Variants in IST1 observed in about 807,000 individuals in gnomAD.
IST1 encodes IST1 homolog.
A neutral mutation model predicts 37.0 loss-of-function variants in IST1; 23 were observed. The ratio of observed to expected loss-of-function variants is 0.62; its 90% CI spans 0.45 to 0.88. The LOEUF is 0.88. Ranked by LOEUF, IST1 falls within the 40% of genes least tolerant of loss-of-function variation. The pLI is 0.00. For synonymous variants in IST1, 180 were observed against 161.7 expected (o/e 1.11, Z -0.86); for missense variants, 488 against 445.4 (o/e 1.10, Z -0.86).
intron 1 of IST1, 97 bp from the exon 2 acceptor site, chr16:71,915,529 C>G: frequency 1.4e-6 from 1 of 712,280 alleles, no homozygotes; most frequent in Non-Finnish European, 2.3e-6. Flanking sequence ...ATTAGAAAAA[C>G]ACTCTGTTTT....
intron 4 of IST1, among the ~76,000 whole-genome samples, chr16:71,919,902 C>G (rs2037542297): frequency 6.6e-6 from 1 of 152,150 alleles, no homozygotes; most frequent in African/African-American, 2.4e-5. Flanking sequence ...AAATAGCACT[C>G]AAATATAAAT....
chr16:71,907,936 C>T (rs2037262468), intron 1 of IST1, among the ~76,000 whole-genome samples: 1 of 152,098 alleles, frequency 6.6e-6, no homozygotes, highest in South Asian at 2.1e-4. Context: ...TGAGATTTGT[C>T]TCCTCTTTAT....
At chr16:71,895,499 GCGCTTGTTGTGCTGAGGC>G (rs2036943473), upstream of IST1, 1 of 985,564 alleles carries the variant, frequency 1.0e-6, no homozygotes, top group Non-Finnish European at 1.2e-6. Context: ...CCCTCCGCCC[GCGCTTGTTGTGCTGAGGC>G]CGAGGGAGTC....
At position 71,910,517 on chromosome 16, in the gene IST1, A is replaced by C. The variant is rs141198079; in HGVS notation, c.-15-5109A>C. On this transcript the variant is annotated intron_variant, in intron 1 of 9. Transcript: ENST00000378799. ...GCTACTCGGGAGGCTGAGGCAGGAG[A>C]ATGGCGTGAACCTGGGAGGCGGAGC... 6.6e-3 allele frequency among the ~76,000 whole-genome samples: 1,006 copies of C among 151,860 alleles called. 5 individuals are homozygous for C. The highest frequency in any genetic ancestry group is 0.017 in the Middle Eastern group (5 of 294).
At chr16:71,895,408 A>G, upstream of IST1, 1 of 548,490 alleles carries the variant, frequency 1.8e-6, no homozygotes, top group South Asian at 7.7e-5. Context: ...GGGTGCCCCG[A>G]GTCAGCGCGT....
intron 1 of IST1, among the ~76,000 whole-genome samples, chr16:71,902,860 T>G (rs1364040701): frequency 1.3e-5 from 2 of 152,182 alleles, no homozygotes; most frequent in Non-Finnish European, 2.9e-5. Flanking sequence ...GCATTTAGTT[T>G]CCTTGATTTT....
At position 71,927,745 on chromosome 16, in the gene IST1, T is replaced by C; in HGVS notation, c.1033T>C (p.Ser345Pro). 6.2e-7 allele frequency: 1 copy of C among 1,614,048 alleles called. No homozygotes were observed. The highest frequency in any genetic ancestry group is 8.5e-7 in the Non-Finnish European group (1 of 1,179,896). Residue 345 changes from serine to proline, a missense_variant, in exon 10 of 10, where the codon TCA (serine) becomes CCA (proline). Physicochemically the swap from Ser to Pro is moderately conservative, Grantham distance 74 (BLOSUM62 -1). Around this residue, in one of 2 missense-constraint regions of IST1, gnomAD observed 455 missense variants for 386.2 expected, o/e 1.18. Coordinates refer to ENST00000378799, the MANE Select transcript of IST1 (RefSeq NM_001270975.2). ...AACTGCATCTGCTGGTGCCAGCACCTCAGCATCTGAAGACATTGACTTTGA... is the reference window on the plus strand; with the variant it reads ...AACTGCATCTGCTGGTGCCAGCACCCCAGCATCTGAAGACATTGACTTTGA... The part of the protein sequence containing the change: ...LPTASAGAST[S>P]ASEDIDFDDL...
chr16:71,928,019 AGAGCAACTGGCTCCTGG>A lies in IST1; in HGVS notation c.*207_*223del. On this transcript the variant is annotated 3_prime_UTR_variant, in exon 10 of 10. Coordinates refer to ENST00000378799, the MANE Select transcript of IST1 (RefSeq NM_001270975.2). ...AGACTAACAATTGGAGACTGAGGCC[AGAGCAACTGGCTCCTGG>A]CAGCTGTGCTTGTCCGTTTCCTGTC... 5 of 544,220 alleles carry A rather than the reference AGAGCAACTGGCTCCTGG, an allele frequency of 9.2e-6. No individual in the cohort carries two copies. The highest frequency in any genetic ancestry group is 1.7e-5 in the Non-Finnish European group (5 of 302,672). The allele number at this position is 544,220 out of a possible 1,614,324, so 33.7% of individuals were successfully genotyped here.
chr16:71,918,398 C>T (rs2037510724), intron 4 of IST1, among the ~76,000 whole-genome samples: 1 of 146,358 alleles, frequency 6.8e-6, no homozygotes, highest in South Asian at 2.2e-4. Context: ...ACAGTAGAGG[C>T]AACTGATTCT....
At chr16:71,922,214 C>T (rs919861664) in intron 6 of IST1, among the ~76,000 whole-genome samples, 1 of 152,162 alleles carries the variant, frequency 6.6e-6, no homozygotes, top group East Asian at 1.9e-4. Context: ...TCAGACATCC[C>T]TATTACCCAC....
intron 1 of IST1, among the ~76,000 whole-genome samples, chr16:71,901,514 A>G (rs1160625568): frequency 1.3e-5 from 2 of 152,112 alleles, no homozygotes; most frequent in African/African-American, 2.4e-5. Flanking sequence ...CGCCCTGCGT[A>G]GTCTTTTGCT....
intron 1 of IST1, 105 bp downstream of exon 1, chr16:71,895,694 T>A (rs2036949745): frequency 3.3e-6 from 1 of 305,534 alleles, no homozygotes; most frequent in South Asian, 1.3e-4. Flanking sequence ...TTCAAACGAC[T>A]TCGGAGGGGG....
At chr16:71,921,981 C>CA (rs1470227238) in intron 6 of IST1, among the ~76,000 whole-genome samples, 2 of 152,102 alleles carry the variant, frequency 1.3e-5, no homozygotes, top group Admixed American at 6.6e-5. Flanking sequence ...ACTAAAAATA[C>CA]AAAAAATTAG....
chr16:71,925,529 T>C (rs1333669711), intron 9 of IST1, among the ~76,000 whole-genome samples: 1 of 151,620 alleles, frequency 6.6e-6, no homozygotes, highest in African/African-American at 2.4e-5. Context: ...TTGGTCAGGC[T>C]GGTCTTGAAC....
intron 7 of IST1, 67 bp from the exon 8 acceptor site, chr16:71,923,221 C>G (rs930776028): frequency 1.2e-6 from 1 of 827,344 alleles, no homozygotes; most frequent in Non-Finnish European, 2.0e-6. Context: ...TCTCCCTTCC[C>G]ATACCCAAAC....
chr16:71,923,253 G>A, intron 7 of IST1, 35 bp from the exon 8 acceptor site: 1 of 1,273,902 alleles, frequency 7.8e-7, no homozygotes. Context: ...CAAACTGGAG[G>A]CAGTGTCTCT....
chr16:71,921,991 G>T (rs2037600490), intron 6 of IST1, among the ~76,000 whole-genome samples: 1 of 152,194 alleles, frequency 6.6e-6, no homozygotes, highest in Admixed American at 6.5e-5. Context: ...CAAAAAATTA[G>T]CTGGGTGTGG....
chr16:71,909,883 A>G (rs2037313544), intron 1 of IST1, among the ~76,000 whole-genome samples: 1 of 152,190 alleles, frequency 6.6e-6, no homozygotes, highest in Non-Finnish European at 1.5e-5. Flanking sequence ...ATACTCAGGA[A>G]TATTTTTTGT....
In IST1 at chr16:71,929,699, G is replaced by A; in HGVS notation, c.*1886G>A. ...TCTTTCTGAGTATTGAAGACAAAAAGAGAAAAGTGAGAAAATTGAAATTAC... is the reference window on the plus strand; with the variant it reads ...TCTTTCTGAGTATTGAAGACAAAAAAAGAAAAGTGAGAAAATTGAAATTAC... On this transcript the variant is annotated 3_prime_UTR_variant, in exon 10 of 10. Coordinates refer to ENST00000378799, the MANE Select transcript of IST1 (RefSeq NM_001270975.2). 1 of 1,506,854 alleles carries A rather than the reference G, an allele frequency of 6.6e-7. No individual in the cohort carries two copies. 93.3% of individuals were successfully genotyped at this position (1,506,854 alleles called of 1,614,324 possible).
Sources: allele counts gnomAD v4.1 joint callset (sites outside exome capture counted in the v4.1 genomes callset), GRCh38; gene constraint gnomAD v4.1.1; regional missense constraint gnomAD v4.1.1; transcripts MANE v1.5; gene names NCBI Gene and HGNC (gene_info 2026-07-23, HGNC 2026-07-21).